The following PPM1D variants were observed in gnomAD, a reference collection of about 807,000 sequenced individuals.
PPM1D encodes the protein protein phosphatase 1D.
In PPM1D, 52 loss-of-function variants were observed where a neutral mutation model predicts 58.3. That is an observed-to-expected ratio of 0.89 (90% CI 0.71 to 1.12). The LOEUF is 1.12. Among genes scored for constraint, PPM1D ranks in the 50% most tolerant of loss-of-function variants. PPM1D has a pLI of 0.00. For missense variants in PPM1D, 564 were observed against 777.2 expected, an observed-to-expected ratio of 0.73 and a Z score of 3.26; for synonymous variants, 278 against 285.1, an observed-to-expected ratio of 0.98 and a Z score of 0.25.
intron 4 of PPM1D, among the ~76,000 whole-genome samples, chr17:60,653,784 G>C (rs1272446425): frequency 6.6e-6 from 1 of 152,080 alleles, no homozygotes; most frequent in African/African-American, 2.4e-5. Flanking sequence ...TTTATAATTT[G>C]TGTACCTATT....
rs752414669 is a variant in PPM1D at position 60,663,468 on chromosome 17, C to T, written c.1734C>T (p.Leu578=). The T allele has an allele frequency of 1.2e-6, 2 of 1,614,072 alleles. No individual in the cohort carries two copies. Among genetic ancestry groups the T allele is most frequent in the Non-Finnish European group, 1.7e-6 (2 of 1,180,024 alleles). The change falls in exon 6 of 6, where the codon CTC becomes CTT. Residue 578 remains leucine (L), a synonymous_variant. Coordinates refer to ENST00000305921, the MANE Select transcript of PPM1D (RefSeq NM_003620.4). ...TTSQRKNSVK[L]TMRRRLRGQK... ...CACAGCGAAAGAACTCTGTTAAACT[C>T]ACCATGCGACGCAGACTTAGGGGCC...
chr17:60,637,897 G>T (rs1173591662), intron 3 of PPM1D, among the ~76,000 whole-genome samples: 2 of 152,212 alleles, frequency 1.3e-5, no homozygotes, highest in Non-Finnish European at 2.9e-5. Flanking sequence ...GCTAAGTGAA[G>T]AAAGTGTTTC....
chr17:60,605,084 A>G (rs988630092), intron 1 of PPM1D, among the ~76,000 whole-genome samples: 1 of 152,172 alleles, frequency 6.6e-6, no homozygotes, highest in African/African-American at 2.4e-5. Context: ...GGCCTCCCAC[A>G]GGCATGAGCC....
At chr17:60,644,068 G>C (rs1420855814) in intron 3 of PPM1D, among the ~76,000 whole-genome samples, 2 of 151,382 alleles carry the variant, frequency 1.3e-5, no homozygotes, top group Non-Finnish European at 2.9e-5. Flanking sequence ...TAGTAGAGCC[G>C]GGGTTTCACC....
At chr17:60,618,480 CG>C (rs2030630007) in intron 1 of PPM1D, among the ~76,000 whole-genome samples, 1 of 152,146 alleles carries the variant, frequency 6.6e-6, no homozygotes, top group Non-Finnish European at 1.5e-5. Flanking sequence ...TTAATTTGTG[CG>C]GTCTTGTAGT....
intron 4 of PPM1D, among the ~76,000 whole-genome samples, chr17:60,649,740 A>G (rs1442889510): frequency 1.3e-5 from 2 of 152,172 alleles, no homozygotes; most frequent in African/African-American, 4.8e-5. Context: ...ACTAGGTACT[A>G]GGTACAGGGA....
At chr17:60,652,274 A>G (rs2031356771) in intron 4 of PPM1D, among the ~76,000 whole-genome samples, 1 of 152,060 alleles carries the variant, frequency 6.6e-6, no homozygotes, top group Non-Finnish European at 1.5e-5. Flanking sequence ...ATTTAGCATA[A>G]TGTCCTCCAG....
At chr17:60,629,029 G>C (rs1273655467) in intron 2 of PPM1D, among the ~76,000 whole-genome samples, 1 of 152,146 alleles carries the variant, frequency 6.6e-6, no homozygotes, top group African/African-American at 2.4e-5. Flanking sequence ...TGAGTAGCAG[G>C]GTGACCAGGC....
At position 60,657,132 on chromosome 17, in the gene PPM1D, A is replaced by G. The variant is rs2031456731; in HGVS notation, c.1260+291A>G. 7.6e-6 allele frequency: 9 copies of G among 1,185,218 alleles called. No individual in the cohort carries two copies. In the East Asian group the frequency reaches 1.3e-4, roughly 17 times the overall value. The allele number at this position is 1,185,218 out of a possible 1,614,324, so 73.4% of individuals were successfully genotyped here. Reference sequence around the variant, plus strand: ...CATTTAGAAGTTTGTGAAGCACTTAAATATATTTTATTTGAATCTCGTAGC... The same window carrying G: ...CATTTAGAAGTTTGTGAAGCACTTAGATATATTTTATTTGAATCTCGTAGC... On this transcript the variant is annotated intron_variant, in intron 5 of 5. Transcript: ENST00000305921.
Position 60,600,249 on chromosome 17 carries a change from G to C in PPM1D, c.-166G>C. ...GCTCCGGCGCTCCGGCCCAGCTCTC[G>C]CGGACAAGTCCAGACATCGCGCGCC... On this transcript the variant is annotated 5_prime_UTR_variant, in exon 1 of 6. Coordinates refer to ENST00000305921, the MANE Select transcript of PPM1D (RefSeq NM_003620.4). 2 of 1,344,938 alleles carry C rather than the reference G, an allele frequency of 1.5e-6. No individual in the cohort carries two copies. Among genetic ancestry groups the C allele is most frequent in the Non-Finnish European group, 2.0e-6 (2 of 1,022,656 alleles). The allele number at this position is 1,344,938 out of a possible 1,614,324, so 83.3% of individuals were successfully genotyped here. A position where few individuals can be genotyped will look rare whatever the true frequency, so the allele number is the denominator to read the frequency against.
At chr17:60,637,064 G>C (rs1327812539) in intron 3 of PPM1D, among the ~76,000 whole-genome samples, 1 of 151,340 alleles carries the variant, frequency 6.6e-6, no homozygotes, top group Non-Finnish European at 1.5e-5. Flanking sequence ...CACCTCCTGG[G>C]TTCAAGCAAT....
intron 3 of PPM1D, among the ~76,000 whole-genome samples, chr17:60,637,089 C>T (rs1001655016): frequency 6.6e-6 from 1 of 151,834 alleles, no homozygotes; most frequent in Non-Finnish European, 1.5e-5. Context: ...CTGCCTCAGC[C>T]TCCCAAGTAG....
chr17:60,651,399 T>C (rs967139617), intron 4 of PPM1D, among the ~76,000 whole-genome samples: 1 of 151,164 alleles, frequency 6.6e-6, no homozygotes, highest in Non-Finnish European at 1.5e-5. Flanking sequence ...ACAGTGTTTT[T>C]GGTTTTTTTT....
chr17:60,627,642 G>A (rs540611345), intron 2 of PPM1D, among the ~76,000 whole-genome samples: 249 of 152,108 alleles, frequency 1.6e-3, no homozygotes, highest in African/African-American at 5.9e-3. Flanking sequence ...GGCTGGTCTT[G>A]AACTCCTGAC....
At chr17:60,625,865 C>A (rs112343292) in intron 2 of PPM1D, among the ~76,000 whole-genome samples, 1 of 151,568 alleles carries the variant, frequency 6.6e-6, no homozygotes, top group South Asian at 2.1e-4. Flanking sequence ...TTTTTAATGG[C>A]GACATTCATT....
At chr17:60,658,487 A>G (rs2031476898) in intron 5 of PPM1D, among the ~76,000 whole-genome samples, 1 of 151,782 alleles carries the variant, frequency 6.6e-6, no homozygotes, top group Non-Finnish European at 1.5e-5. Flanking sequence ...CATCTCTACT[A>G]AAAATACAAA....
chr17:60,655,585 A>G lies in PPM1D; in HGVS notation c.1018-1014A>G, dbSNP rs914986943. Reference sequence around the variant, plus strand: ...GCTGGCCTTGAATTCCTGACCTTGCAGTCCACCTGCCTCCACCTCCCAAAG... The same window carrying G: ...GCTGGCCTTGAATTCCTGACCTTGCGGTCCACCTGCCTCCACCTCCCAAAG... On this transcript the variant is annotated intron_variant, in intron 4 of 5. Transcript: ENST00000305921. Among the ~76,000 whole-genome samples, 32 of 152,138 alleles carry G rather than the reference A, an allele frequency of 2.1e-4. 1 individual carries two copies. The highest frequency in any genetic ancestry group is 7.5e-4 in the African/African-American group (31 of 41,424).
rs373862041 is a variant in PPM1D, at chr17:60,600,545, C to T, written c.131C>T (p.Ser44Leu). ...GAAGAAAAGCCCTCGCCGCGGCGGT[C>T]GCTGTCTCAGCCGTTGCCTCCGCGG... Reference protein sequence around the residue: ...TAEEKPSPRRSLSQPLPPRPS... With the variant: ...TAEEKPSPRRLLSQPLPPRPS... Residue 44 changes from serine to leucine, a missense_variant, in exon 1 of 6, where the codon TCG becomes TTG. Physicochemically the swap from Ser to Leu is moderately radical, Grantham distance 145. Transcript: ENST00000305921. 6 of 1,553,936 alleles carry T rather than the reference C, an allele frequency of 3.9e-6. No individual in the cohort carries two copies. Among genetic ancestry groups the T allele is most frequent in the Non-Finnish European group, 5.2e-6 (6 of 1,149,112 alleles).
At chr17:60,650,519 C>T (rs2031323676) in intron 4 of PPM1D, among the ~76,000 whole-genome samples, 1 of 152,010 alleles carries the variant, frequency 6.6e-6, no homozygotes, top group African/African-American at 2.4e-5. Context: ...CCACTGCACT[C>T]CAGCCTGGTG....
Sources: allele counts gnomAD v4.1 joint callset (sites outside exome capture counted in the v4.1 genomes callset), GRCh38; gene constraint gnomAD v4.1.1; transcripts MANE v1.5; gene names NCBI Gene and HGNC (gene_info 2026-07-23, HGNC 2026-07-21).